Variants in DEFB125 observed in about 807,000 individuals in gnomAD.
The protein encoded by DEFB125 is beta-defensin 125.
In DEFB125, 11 loss-of-function variants were observed where a neutral mutation model predicts 11.8. That is an observed-to-expected ratio of 0.94 (90% CI 0.59 to 1.55). DEFB125 has a LOEUF of 1.55. DEFB125 is among the 40% of genes most tolerant of loss of function. The probability of loss-of-function intolerance (pLI) is 0.00; values close to 1 mark genes in which losing one functional copy is unlikely to be tolerated. For synonymous variants in DEFB125, 79 were observed against 66.7 expected (o/e 1.18, Z -0.90); for missense variants, 198 against 191.2 (o/e 1.04, Z -0.21).
At chr20:92,969 CTT>C (rs33976266) in intron 1 of DEFB125, among the ~76,000 whole-genome samples, 51,099 of 115,894 alleles carry the variant, frequency 0.44, 9,164 homozygotes, top group Middle Eastern at 0.56. Context: ...TCCTTTTCTG[CTT>C]TTTTTTTTTT....
Position 96,545 on chromosome 20 carries a change from T to C in DEFB125, c.*128T>C. The C allele has an allele frequency of 8.9e-7, 1 of 1,126,342 alleles. No homozygotes were observed. The highest frequency in any genetic ancestry group is 1.3e-6 in the Non-Finnish European group (1 of 796,412). 69.8% of individuals were successfully genotyped at this position (1,126,342 alleles called of 1,614,324 possible). A position where few individuals can be genotyped will look rare whatever the true frequency, so the allele number is the denominator to read the frequency against. On this transcript the variant is annotated 3_prime_UTR_variant, in exon 2 of 2. Transcript: ENST00000382410. Reference sequence around the variant, plus strand: ...GATTGGATGACCATGGGGATGGACATAATTGCTACTACCAACACAACAGCC... The same window carrying C: ...GATTGGATGACCATGGGGATGGACACAATTGCTACTACCAACACAACAGCC...
In DEFB125 at chr20:96,078, G is replaced by T; in HGVS notation, c.132G>T (p.Arg44Ser). 6.2e-7 allele frequency: 1 copy of T among 1,613,982 alleles called. No homozygotes were observed. Among genetic ancestry groups the T allele is most frequent in the African/African-American group, 1.3e-5 (1 of 75,028 alleles). Residue 44 changes from arginine to serine, a missense_variant, in exon 2 of 2, where the codon AGG becomes AGT. Transcript: ENST00000382410. ...GAAGACGATGTTTAGATACTGAAAG[G>T]TACATACTTCTTTGTAGGAACAAGC... ...HCRRRCLDTE[R>S]YILLCRNKLS...
intron 1 of DEFB125, among the ~76,000 whole-genome samples, chr20:88,634 C>G (rs1348351499): frequency 6.6e-6 from 1 of 151,966 alleles, no homozygotes; most frequent in African/African-American, 2.4e-5. Context: ...GCAAATGCAC[C>G]ATGTGAATTG....
At position 96,107 on chromosome 20, in the gene DEFB125, C is replaced by T; in HGVS notation, c.161C>T (p.Ser54Leu). The T allele has an allele frequency of 6.2e-7, 1 of 1,614,160 alleles. No homozygotes were observed. Among genetic ancestry groups the T allele is most frequent in the Non-Finnish European group, 8.5e-7 (1 of 1,180,038 alleles). The change falls in exon 2 of 2, where the codon TCA (serine) becomes TTA (leucine). Residue 54 changes from serine (S) to leucine (L), a missense_variant. Coordinates refer to ENST00000382410, the MANE Select transcript of DEFB125 (RefSeq NM_153325.4). ...ATACTTCTTTGTAGGAACAAGCTATCATGCTGCATTTCTATAATATCACAT... is the reference window on the plus strand; with the variant it reads ...ATACTTCTTTGTAGGAACAAGCTATTATGCTGCATTTCTATAATATCACAT... The part of the protein sequence containing the change: ...RYILLCRNKL[S>L]CCISIISHEY...
rs1356404379 is a variant in DEFB125 at position 87,721 on chromosome 20, G to A, written c.12G>A (p.Leu4=). Reference sequence around the variant, plus strand: ...CTCTCCCAGGAGCCATGAATATCCTGATGCTGACCTTCATTATCTGTGGGT... The same window carrying A: ...CTCTCCCAGGAGCCATGAATATCCTAATGCTGACCTTCATTATCTGTGGGT... MNI[L]MLTFIICGLL... is the part of the protein sequence containing the mutation. The change falls in exon 1 of 2, where the codon CTG becomes CTA. Residue 4 remains leucine, a synonymous_variant. Coordinates refer to ENST00000382410, the MANE Select transcript of DEFB125 (RefSeq NM_153325.4). The A allele has an allele frequency of 5.0e-6, 8 of 1,613,098 alleles. No homozygotes were observed. In the African/African-American group the frequency reaches 6.7e-5, roughly 13 times the overall value.
intron 1 of DEFB125, among the ~76,000 whole-genome samples, chr20:92,074 A>C (rs1014865814): frequency 3.9e-5 from 6 of 152,188 alleles, no homozygotes; most frequent in African/African-American, 1.4e-4. Context: ...ATACATACAT[A>C]CATCTATATA....
In DEFB125 at chr20:95,472, G is replaced by T. The variant is rs535833655; in HGVS notation, c.59-533G>T. ...GGATAAGCTTTTTGATGTGCTGCTG[G>T]ATTCAGTTTGCTACTATTTTGTTCA... On this transcript the variant is annotated intron_variant, in intron 1 of 1. Coordinates refer to ENST00000382410, the MANE Select transcript of DEFB125 (RefSeq NM_153325.4). Among the ~76,000 whole-genome samples, 4 of 152,264 alleles carry T rather than the reference G, an allele frequency of 2.6e-5. No homozygotes were observed. The South Asian group carries it at 6.2e-4, about 24-fold the overall frequency.
intron 1 of DEFB125, among the ~76,000 whole-genome samples, chr20:94,667 GC>G (rs2054508346): frequency 6.6e-6 from 1 of 152,168 alleles, no homozygotes; most frequent in African/African-American, 2.4e-5. Flanking sequence ...CCCATTGGCT[GC>G]CCAGGGGTTG....
At chr20:92,395 C>CTTTT (rs11483976) in intron 1 of DEFB125, among the ~76,000 whole-genome samples, 1 of 137,578 alleles carries the variant, frequency 7.3e-6, no homozygotes, top group African/African-American at 2.8e-5. Context: ...AACCTTCCTT[C>CTTTT]TTTTTTTTTT....
chr20:91,399 T>C (rs1051402332), intron 1 of DEFB125, among the ~76,000 whole-genome samples: 1 of 152,224 alleles, frequency 6.6e-6, no homozygotes, highest in Non-Finnish European at 1.5e-5. Context: ...ACCAACGTCC[T>C]GAAGTGTTTC....
chr20:96,545 T>G lies in DEFB125; in HGVS notation c.*128T>G. On this transcript the variant is annotated 3_prime_UTR_variant, in exon 2 of 2. Coordinates refer to ENST00000382410, the MANE Select transcript of DEFB125 (RefSeq NM_153325.4). ...GATTGGATGACCATGGGGATGGACA[T>G]AATTGCTACTACCAACACAACAGCC... The G allele has an allele frequency of 8.9e-7, 1 of 1,126,342 alleles. No homozygotes were observed. The highest frequency in any genetic ancestry group is 1.3e-6 in the Non-Finnish European group (1 of 796,412). The allele number at this position is 1,126,342 out of a possible 1,614,324, so 69.8% of individuals were successfully genotyped here. A position where few individuals can be genotyped will look rare whatever the true frequency, so the allele number is the denominator to read the frequency against.
At chr20:92,131 A>G (rs188632798) in intron 1 of DEFB125, among the ~76,000 whole-genome samples, 54 of 152,304 alleles carry the variant, frequency 3.5e-4, no homozygotes, top group African/African-American at 1.2e-3. Context: ...GTTGTTTAGA[A>G]AATTACTTGC....
intron 1 of DEFB125, among the ~76,000 whole-genome samples, chr20:88,238 C>G (rs2054483337): frequency 6.6e-6 from 1 of 152,046 alleles, no homozygotes; most frequent in African/African-American, 2.4e-5. Flanking sequence ...TTCTGTAGCA[C>G]TATCATATGG....
At chr20:94,933 T>A (rs1317648943) in intron 1 of DEFB125, among the ~76,000 whole-genome samples, 1 of 152,168 alleles carries the variant, frequency 6.6e-6, no homozygotes, top group Non-Finnish European at 1.5e-5. Context: ...TGAGGCTTAT[T>A]TGTAGCCTGG....
intron 1 of DEFB125, among the ~76,000 whole-genome samples, chr20:94,260 A>G (rs1441076361): frequency 1.3e-5 from 2 of 152,018 alleles, no homozygotes; most frequent in Admixed American, 1.3e-4. Flanking sequence ...TCATTTTTTT[A>G]TATTGGGAAC....
chr20:96,426 T>C lies in DEFB125; in HGVS notation c.*9T>C, dbSNP rs1393699948. 16 of 1,601,250 alleles carry C rather than the reference T, an allele frequency of 1.0e-5. No individual in the cohort carries two copies. The highest frequency in any genetic ancestry group is 1.4e-5 in the Non-Finnish European group (16 of 1,173,948). On this transcript the variant is annotated 3_prime_UTR_variant, in exon 2 of 2. Transcript: ENST00000382410. ...CTCTTACTCATAATTAATTAACATT[T>C]ACTTCTGGTATGGAACAACTAGAAA...
At chr20:92,720 G>A (rs1205446377) in intron 1 of DEFB125, among the ~76,000 whole-genome samples, 1 of 151,828 alleles carries the variant, frequency 6.6e-6, no homozygotes, top group Non-Finnish European at 1.5e-5. Context: ...CAACTATTTT[G>A]TCCTGACCTT....
rs557761533 is a variant in DEFB125, at chr20:93,215, C to T, written c.59-2790C>T. On this transcript the variant is annotated intron_variant, in intron 1 of 1. Transcript: ENST00000382410. ...AACTCCTGAACTCAGGTGATCTGCC[C>T]GCCTCGATCTCCCAAAGTGCTGGGA... is the stretch of plus-strand genomic sequence containing the variant. Among the ~76,000 whole-genome samples the T allele has an allele frequency of 5.3e-5, 8 of 152,142 alleles. No homozygotes were observed. The East Asian group carries it at 7.7e-4, about 15-fold the overall frequency.
At chr20:93,502 G>T (rs1186466365) in intron 1 of DEFB125, among the ~76,000 whole-genome samples, 2 of 152,056 alleles carry the variant, frequency 1.3e-5, no homozygotes, top group Admixed American at 1.3e-4. Context: ...CCACTCGGAA[G>T]CTGCTCTCCT....
Sources: gnomAD v4.1 joint callset for allele counts (sites outside exome capture counted in the v4.1 genomes callset) on GRCh38, gnomAD v4.1.1 for gene constraint, MANE v1.5 for transcripts, NCBI Gene and HGNC (gene_info 2026-07-23, HGNC 2026-07-21) for gene names.